The following USP32 variants were observed in gnomAD, a reference collection of about 807,000 sequenced individuals.
USP32 encodes ubiquitin carboxyl-terminal hydrolase 32.
A neutral mutation model predicts 204.8 loss-of-function variants in USP32; 59 were observed. The observed-to-expected ratio is 0.29, with a 90% CI of 0.23 to 0.36. The LOEUF is 0.36. Ranked by LOEUF, USP32 falls within the 10% of genes least tolerant of loss-of-function variation. The pLI is 1.00. For missense variants in USP32, 1,160 were observed against 1,946.4 expected (o/e 0.60, Z 7.60); for synonymous variants, 517 against 678.4 (o/e 0.76, Z 3.70).
intron 1 of USP32, among the ~76,000 whole-genome samples, chr17:60,379,402 T>TC (rs1292661748): frequency 6.6e-6 from 1 of 152,130 alleles, no homozygotes; most frequent in East Asian, 1.9e-4. Flanking sequence ...TCTACTACAT[T>TC]CCAGATTTAG....
At chr17:60,224,554 G>C (rs1317890983) in intron 13 of USP32, among the ~76,000 whole-genome samples, 1 of 152,210 alleles carries the variant, frequency 6.6e-6, no homozygotes, top group Admixed American at 6.5e-5. Context: ...GGAGGCCAAG[G>C]CTGGAGGACT....
intron 5 of USP32, among the ~76,000 whole-genome samples, chr17:60,283,463 G>A (rs569953346): frequency 1.4e-4 from 22 of 152,206 alleles, no homozygotes; most frequent in South Asian, 2.1e-4. Context: ...TCATCCTTTC[G>A]TATCATTGAG....
chr17:60,391,659 T>C (rs1003172551), intron 1 of USP32, among the ~76,000 whole-genome samples: 64 of 152,056 alleles, frequency 4.2e-4, no homozygotes, highest in Non-Finnish European at 7.8e-4. Context: ...CCAGCGCCGA[T>C]CCCCCTCTCT....
chr17:60,216,345 A>G (rs1281712324), intron 16 of USP32, among the ~76,000 whole-genome samples: 2 of 151,370 alleles, frequency 1.3e-5, no homozygotes, highest in Non-Finnish European at 1.5e-5. Flanking sequence ...CCAAAAATCT[A>G]GACAAAACTG....
intron 9 of USP32, among the ~76,000 whole-genome samples, chr17:60,263,768 T>C (rs2086514812): frequency 6.6e-6 from 1 of 152,224 alleles, no homozygotes; most frequent in South Asian, 2.1e-4. Context: ...GGGACTGAAT[T>C]GTCAAAGCTC....
chr17:60,234,907 G>A (rs1484218522), intron 12 of USP32, among the ~76,000 whole-genome samples: 1 of 151,934 alleles, frequency 6.6e-6, no homozygotes, highest in Admixed American at 6.6e-5. Flanking sequence ...TTTGACAGAC[G>A]CATGCTAGAA....
At chr17:60,336,491 G>A (rs913525326) in intron 2 of USP32, among the ~76,000 whole-genome samples, 5 of 141,364 alleles carry the variant, frequency 3.5e-5, no homozygotes, top group East Asian at 2.0e-4. Context: ...CGAGGCGGGC[G>A]GATCACGAGG....
intron 11 of USP32, among the ~76,000 whole-genome samples, chr17:60,238,821 A>AT (rs2085803772): frequency 6.6e-6 from 1 of 151,314 alleles, no homozygotes; most frequent in African/African-American, 2.4e-5. Context: ...AAAAAAAAAA[A>AT]ATTAGCTGGT....
intron 2 of USP32, among the ~76,000 whole-genome samples, chr17:60,306,442 T>A (rs6503959): frequency 0.067 from 10,219 of 152,054 alleles, 1,212 homozygotes; most frequent in African/African-American, 0.23. Flanking sequence ...GTTCGAGAGC[T>A]GCCTGGCCAA....
chr17:60,279,251 G>C lies in USP32; in HGVS notation c.572-7770C>G, dbSNP rs1310602676. On this transcript the variant is annotated intron_variant, in intron 5 of 33. Transcript: ENST00000300896. The stretch of plus-strand genomic sequence containing the variant: ...ACAGTGGCTCACACCTGTAATCCCA[G>C]CACTTTGGGAGTCTGTGGCAGGGGA... 3.3e-5 allele frequency among the ~76,000 whole-genome samples: 5 copies of C among 151,728 alleles called. No homozygotes were observed. The South Asian group carries it at 8.3e-4, about 25-fold the overall frequency.
rs995348924 is a variant in USP32, at chr17:60,178,180, G to A, written c.*1075C>T. On this transcript the variant is annotated 3_prime_UTR_variant, in exon 34 of 34. Transcript: ENST00000300896. ...CACCAATTTCATTAAATACACTTAT[G>A]AACTCCTAATGTCTGGGATGTGTTT... Among the ~76,000 whole-genome samples the A allele has an allele frequency of 1.3e-5, 2 of 152,164 alleles. No homozygotes were observed. Among genetic ancestry groups the A allele is most frequent in the Non-Finnish European group, 2.9e-5 (2 of 68,028 alleles).
At chr17:60,352,115 G>A (rs2088964244) in intron 1 of USP32, among the ~76,000 whole-genome samples, 1 of 152,168 alleles carries the variant, frequency 6.6e-6, no homozygotes, top group Admixed American at 6.5e-5. Context: ...ACAGAACCCT[G>A]ACTTTATTCA....
intron 2 of USP32, among the ~76,000 whole-genome samples, chr17:60,343,065 G>A (rs111538514): frequency 2.6e-5 from 4 of 152,086 alleles, no homozygotes; most frequent in Non-Finnish European, 5.9e-5. Flanking sequence ...GGGCCATTAC[G>A]TAATGGTAAA....
At chr17:60,386,430 C>T (rs1185123277) in intron 1 of USP32, among the ~76,000 whole-genome samples, 1 of 151,358 alleles carries the variant, frequency 6.6e-6, no homozygotes, top group Non-Finnish European at 1.5e-5. Flanking sequence ...CTAATTCAAA[C>T]TCTCAGCATT....
intron 11 of USP32, among the ~76,000 whole-genome samples, chr17:60,252,021 C>A (rs1038127778): frequency 6.6e-6 from 1 of 151,954 alleles, no homozygotes; most frequent in Non-Finnish European, 1.5e-5. Context: ...ATGTCTACAG[C>A]AATTATCTAT....
At chr17:60,371,928 C>T (rs1317310763) in intron 1 of USP32, among the ~76,000 whole-genome samples, 1 of 152,172 alleles carries the variant, frequency 6.6e-6, no homozygotes, top group African/African-American at 2.4e-5. Context: ...AAACATTGTG[C>T]TAGAAAAGTA....
intron 30 of USP32, among the ~76,000 whole-genome samples, 191 bp downstream of exon 30, chr17:60,185,269 G>C (rs1184609417): frequency 1.3e-5 from 2 of 152,052 alleles, no homozygotes; most frequent in Non-Finnish European, 2.9e-5. Flanking sequence ...AGCTCTTTAG[G>C]AAAAAGAACT....
chr17:60,183,878 G>A (rs949138101), intron 30 of USP32, among the ~76,000 whole-genome samples: 1 of 152,172 alleles, frequency 6.6e-6, no homozygotes, highest in Non-Finnish European at 1.5e-5. Context: ...TGACTGCTCT[G>A]CTTGTTTTAT....
chr17:60,179,366 C>A lies in USP32; in HGVS notation c.4704G>T (p.Gly1568=). The stretch of plus-strand genomic sequence containing the variant: ...TTGGCAGAAATTGTGCATAGTCTAT[C>A]CCCTGCTGCTCATAGAAAAGAATGT... ...SAYILFYEQQ[G]IDYAQFLPKT... The change falls in exon 34 of 34, where the codon GGG becomes GGT. Residue 1568 remains glycine (G), a synonymous_variant. Coordinates refer to ENST00000300896, the MANE Select transcript of USP32 (RefSeq NM_032582.4). The A allele has an allele frequency of 1.2e-6, 2 of 1,613,438 alleles. No homozygotes were observed.
Sources: allele counts gnomAD v4.1 joint callset (sites outside exome capture counted in the v4.1 genomes callset), GRCh38; gene constraint gnomAD v4.1.1; transcripts MANE v1.5; gene names NCBI Gene and HGNC (gene_info 2026-07-23, HGNC 2026-07-21).